Variants in SNTG1 observed in about 807,000 individuals in gnomAD.
The protein encoded by SNTG1 is gamma-1-syntrophin.
Under a neutral mutation model 74.7 loss-of-function variants are expected in SNTG1, and 39 were observed. The ratio of observed to expected loss-of-function variants is 0.52; its 90% CI spans 0.40 to 0.68. The LOEUF (loss-of-function observed/expected upper bound fraction) is 0.68, where lower values mean the gene tolerates loss of function less well. Ranked by LOEUF, SNTG1 falls within the 30% of genes least tolerant of loss-of-function variation. The probability of loss-of-function intolerance (pLI) is 0.00; values close to 1 mark genes in which losing one functional copy is unlikely to be tolerated. For synonymous variants in SNTG1, 254 were observed against 217.1 expected, an observed-to-expected ratio of 1.17 and a Z score of -1.49; for missense variants, 685 against 609.5, an observed-to-expected ratio of 1.12 and a Z score of -1.30.
At chr8:50,320,915 C>A (rs1404169224) in intron 2 of SNTG1, among the ~76,000 whole-genome samples, 2 of 151,944 alleles carry the variant, frequency 1.3e-5, no homozygotes, top group Non-Finnish European at 2.9e-5. Flanking sequence ...GTTTTAAGAC[C>A]TGTTTTGTGG....
chr8:50,513,704 C>A (rs1043966911), intron 9 of SNTG1, among the ~76,000 whole-genome samples: 1 of 152,198 alleles, frequency 6.6e-6, no homozygotes, highest in Non-Finnish European at 1.5e-5. Context: ...GGGCATAAGA[C>A]CCTCCAAGCC....
intron 16 of SNTG1, 126 bp from the exon 17 acceptor site, chr8:50,708,760 T>C (rs2095452746): frequency 3.3e-6 from 2 of 597,738 alleles, no homozygotes; most frequent in African/African-American, 3.7e-5. Context: ...CCCTTCTTTA[T>C]ACAATTATTG....
At chr8:50,481,734 A>G (rs2093742294) in intron 8 of SNTG1, among the ~76,000 whole-genome samples, 1 of 152,250 alleles carries the variant, frequency 6.6e-6, no homozygotes, top group African/African-American at 2.4e-5. Flanking sequence ...ATGTACTTCT[A>G]CTTATATCAA....
chr8:49,955,577 C>T (rs941035693), intron 1 of SNTG1, among the ~76,000 whole-genome samples: 1 of 152,218 alleles, frequency 6.6e-6, no homozygotes, highest in Non-Finnish European at 1.5e-5. Flanking sequence ...ACATGATTGG[C>T]TCTTACCAGG....
At chr8:49,980,205 C>G (rs1812546625) in intron 1 of SNTG1, among the ~76,000 whole-genome samples, 1 of 152,150 alleles carries the variant, frequency 6.6e-6, no homozygotes, top group Non-Finnish European at 1.5e-5. Context: ...AGCCACTATT[C>G]TACTTTCTTT....
chr8:50,258,838 T>A lies in SNTG1; in HGVS notation c.-28+86203T>A, dbSNP rs76888859. On this transcript the variant is annotated intron_variant, in intron 2 of 18. Coordinates refer to ENST00000642720, the MANE Select transcript of SNTG1 (RefSeq NM_018967.5). ...TACACATAATGAGATTACCGCCTGA[T>A]GAGATTACCAGAAGAGAGGACAAAG... Among the ~76,000 whole-genome samples, 21 of 152,194 alleles carry A rather than the reference T, an allele frequency of 1.4e-4. 1 individual carries two copies. The East Asian group carries it at 4.1e-3, about 29-fold the overall frequency.
chr8:50,653,196 C>A (rs563764890), intron 13 of SNTG1, among the ~76,000 whole-genome samples: 1 of 152,072 alleles, frequency 6.6e-6, no homozygotes, highest in African/African-American at 2.4e-5. Context: ...GCAATCCCAG[C>A]ACTTTAAAAG....
intron 1 of SNTG1, among the ~76,000 whole-genome samples, chr8:50,045,814 T>G (rs1386114): frequency 0.88 from 133,278 of 152,214 alleles, 58,449 homozygotes; most frequent in East Asian, 0.99. Flanking sequence ...ATGTAGTGTA[T>G]TCAGCCCATC....
intron 1 of SNTG1, among the ~76,000 whole-genome samples, chr8:50,168,844 C>G (rs1017065191): frequency 1.3e-5 from 2 of 152,172 alleles, no homozygotes; most frequent in Non-Finnish European, 2.9e-5. Flanking sequence ...CTTCACCCAA[C>G]TTCTCCCAAA....
At chr8:50,317,733 C>T (rs1219999502) in intron 2 of SNTG1, among the ~76,000 whole-genome samples, 1 of 152,166 alleles carries the variant, frequency 6.6e-6, no homozygotes, top group Non-Finnish European at 1.5e-5. Context: ...ACATCGTTTG[C>T]CTATTCATGA....
intron 8 of SNTG1, among the ~76,000 whole-genome samples, chr8:50,471,467 A>T (rs2093654108): frequency 6.6e-6 from 1 of 152,222 alleles, no homozygotes; most frequent in South Asian, 2.1e-4. Flanking sequence ...CAAGCATATC[A>T]AATGCTGGCA....
intron 10 of SNTG1, among the ~76,000 whole-genome samples, chr8:50,531,189 G>A (rs2094264125): frequency 6.6e-6 from 1 of 152,088 alleles, no homozygotes; most frequent in Admixed American, 6.6e-5. Context: ...CCTCAGCTGA[G>A]TACCTTAGGC....
chr8:50,152,516 A>G (rs1057140285), intron 1 of SNTG1, among the ~76,000 whole-genome samples: 3 of 152,118 alleles, frequency 2.0e-5, no homozygotes, highest in African/African-American at 7.2e-5. Flanking sequence ...GGTCTTTACA[A>G]TTTGGAATGG....
chr8:50,139,801 T>C (rs2081596587), intron 1 of SNTG1, among the ~76,000 whole-genome samples: 1 of 152,182 alleles, frequency 6.6e-6, no homozygotes, highest in Non-Finnish European at 1.5e-5. Flanking sequence ...CCTGGCAAGA[T>C]TGCAAAGCAC....
intron 18 of SNTG1, among the ~76,000 whole-genome samples, chr8:50,782,579 T>C (rs967911106): frequency 1.3e-5 from 2 of 152,170 alleles, no homozygotes; most frequent in African/African-American, 4.8e-5. Context: ...CACTTCTCTG[T>C]ATTGGTTATT....
intron 18 of SNTG1, among the ~76,000 whole-genome samples, chr8:50,780,001 A>G (rs547671774): frequency 2.0e-5 from 3 of 152,188 alleles, no homozygotes; most frequent in Non-Finnish European, 4.4e-5. Context: ...ATGCTGGATT[A>G]CATTTATTGA....
chr8:49,938,648 C>CTT (rs1563371332), intron 1 of SNTG1, among the ~76,000 whole-genome samples: 273 of 23,914 alleles, frequency 0.011, 7 homozygotes, highest in African/African-American at 0.024. Flanking sequence ...TCTTTCCTTC[C>CTT]TCTCTCTCTC....
intron 1 of SNTG1, among the ~76,000 whole-genome samples, chr8:49,985,479 T>C (rs531479162): frequency 3.9e-4 from 59 of 152,332 alleles, no homozygotes; most frequent in Admixed American, 3.5e-3. Flanking sequence ...CATTTCTTAT[T>C]ATCTCTGGAG....
chr8:49,912,190 G>C lies in SNTG1; in HGVS notation c.-144G>C, dbSNP rs543600574. ...GGTGGAGAGCTACTCAAAATTCTAC[G>C]TTAGAGAGACTGAAAAGACATCTAA... On this transcript the variant is annotated 5_prime_UTR_variant, in exon 1 of 19. Coordinates refer to ENST00000642720, the MANE Select transcript of SNTG1 (RefSeq NM_018967.5). 2.0e-5 allele frequency: 3 copies of C among 152,182 alleles called. No homozygotes were observed. The highest frequency in any genetic ancestry group is 7.2e-5 in the African/African-American group (3 of 41,442). 9.4% of individuals were successfully genotyped at this position (152,182 alleles called of 1,614,324 possible).
Sources: allele counts gnomAD v4.1 joint callset (sites outside exome capture counted in the v4.1 genomes callset), GRCh38; gene constraint gnomAD v4.1.1; transcripts MANE v1.5; gene names NCBI Gene and HGNC (gene_info 2026-07-23, HGNC 2026-07-21).